DNAH17: variants seen among roughly 807,000 people sequenced by gnomAD.
The protein encoded by DNAH17 is axonemal beta dynein heavy chain 17.
A neutral mutation model predicts 485.6 loss-of-function variants in DNAH17; 376 were observed. The observed-to-expected ratio is 0.77, with a 90% CI of 0.71 to 0.84. The LOEUF (loss-of-function observed/expected upper bound fraction) is 0.84, where lower values mean the gene tolerates loss of function less well. Ranked by LOEUF, DNAH17 falls within the 40% of genes least tolerant of loss-of-function variation. The pLI, the probability that DNAH17 is intolerant of heterozygous loss-of-function variation, is 0.00. For missense variants in DNAH17, 6,370 were observed against 5,839.3 expected, an observed-to-expected ratio of 1.09 and a Z score of -2.96; for synonymous variants, 3,031 against 2,405.9, an observed-to-expected ratio of 1.26 and a Z score of -7.60.
At position 78,476,657 on chromosome 17, in the gene DNAH17, C is replaced by A. The variant is rs533561811; in HGVS notation, c.8069G>T (p.Arg2690Leu). The A allele has an allele frequency of 1.2e-6, 2 of 1,612,794 alleles. No homozygotes were observed. Among genetic ancestry groups the A allele is most frequent in the African/African-American group, 1.3e-5 (1 of 74,988 alleles). The change falls in exon 52 of 81, where the codon CGA (arginine) becomes CTA (leucine). Residue 2690 changes from arginine (R) to leucine (L), a missense_variant. Coordinates refer to ENST00000389840, the MANE Select transcript of DNAH17 (RefSeq NM_173628.4). Reference protein sequence around the residue: ...LVRLWLHETERVYGDKMVDEK... With the variant: ...LVRLWLHETELVYGDKMVDEK... ...GTCAACCATTTTGTCACCATACACT[C>A]GTTCAGTCTCATGTAGCCAAAGGCG...
At position 78,495,046 on chromosome 17, in the gene DNAH17, G is replaced by C. The variant is rs606944; in HGVS notation, c.5955C>G (p.Leu1985=). 0.84 allele frequency: 1,349,495 copies of C among 1,610,586 alleles called. 567,584 individuals are homozygous for C. Among genetic ancestry groups the C allele is most frequent in the East Asian group, 0.99 (44,221 of 44,820 alleles). Reference sequence around the variant, plus strand: ...GGGCTTCCAGAAAGCCCTCGGCCATGAGCATGATCTCACATATCAGTTCGA... The same window carrying C: ...GGGCTTCCAGAAAGCCCTCGGCCATCAGCATGATCTCACATATCAGTTCGA... ...PDFELICEIM[L]MAEGFLEARL... The change falls in exon 39 of 81, where the codon CTC becomes CTG. Residue 1985 remains leucine (L), a synonymous_variant. Transcript: ENST00000389840.
intron 79 of DNAH17, among the ~76,000 whole-genome samples, chr17:78,425,912 C>G (rs1328969199): frequency 6.6e-6 from 1 of 152,064 alleles, no homozygotes; most frequent in Non-Finnish European, 1.5e-5. Context: ...ATTACAGGTG[C>G]AGGCCACCAT....
Position 78,441,054 on chromosome 17 carries a change from G to C in DNAH17, c.11674C>G (p.Leu3892Val). 6.3e-7 allele frequency: 1 copy of C among 1,584,286 alleles called. No homozygotes were observed. The highest frequency in any genetic ancestry group is 1.7e-4 in the Middle Eastern group (1 of 6,024). The change falls in exon 72 of 81, where the codon CTG becomes GTG. Residue 3892 changes from leucine (L) to valine (V), a missense_variant. Physicochemically the swap from Leu to Val is conservative, Grantham distance 32. Transcript: ENST00000389840. ...ATCACTTGCCTGCTACACTTACCCA[G>C]GGCTTCCACGTCTTTCAAGGGGTCA... is the stretch of plus-strand genomic sequence containing the variant. Reference protein sequence around the residue: ...GVDPLKDVEALGKKLGFTIDN... With the variant: ...GVDPLKDVEAVGKKLGFTIDN...
chr17:78,550,486 G>C (rs965244458), intron 16 of DNAH17, among the ~76,000 whole-genome samples: 3 of 24,062 alleles, frequency 1.2e-4, no homozygotes, highest in Non-Finnish European at 2.5e-4. Flanking sequence ...GTTAATATGA[G>C]GTCATTAGTG....
intron 73 of DNAH17, 99 bp downstream of exon 73, chr17:78,438,991 C>G: frequency 6.8e-7 from 1 of 1,474,790 alleles, no homozygotes. Flanking sequence ...TTTCTGAATG[C>G]AAACTCCACA....
rs774431871 is a variant in DNAH17, at chr17:78,485,988, A to C, written c.7247T>G (p.Phe2416Cys). 6.2e-7 allele frequency: 1 copy of C among 1,613,404 alleles called. No individual in the cohort carries two copies. The highest frequency in any genetic ancestry group is 2.2e-5 in the East Asian group (1 of 44,876). ...CAGTGGGACATCGGGATCCAGCTCA[A>C]AGGAGGGCACTTTATCTGTCCAGGG... ...FLPWTDKVPS[F>C]ELDPDVPLQA... The change falls in exon 46 of 81, where the codon TTT (phenylalanine) becomes TGT (cysteine). Residue 2416 changes from phenylalanine (F) to cysteine (C), a missense_variant. Physicochemically the swap from Phe to Cys is radical, Grantham distance 205. Transcript: ENST00000389840.
At chr17:78,451,338 C>G in intron 66 of DNAH17, 131 bp downstream of exon 66, 1 of 785,268 alleles carries the variant, frequency 1.3e-6, no homozygotes, top group Non-Finnish European at 2.0e-6. Context: ...GTGGGACACA[C>G]TGAGGCACCT....
chr17:78,502,007 C>T (rs1434535243), intron 33 of DNAH17, 134 bp from the exon 34 acceptor site: 1 of 1,290,912 alleles, frequency 7.7e-7, no homozygotes, highest in Non-Finnish European at 1.1e-6. Context: ...CAAGAGCGCC[C>T]TCGGTAGGCC....
intron 56 of DNAH17, 151 bp downstream of exon 56, chr17:78,466,504 T>C: frequency 2.0e-6 from 1 of 499,972 alleles, no homozygotes; most frequent in Non-Finnish European, 3.1e-6. Context: ...ATGCCTGAGT[T>C]TCTGGCAGCC....
chr17:78,512,728 G>T (rs2090666444), intron 26 of DNAH17, among the ~76,000 whole-genome samples: 1 of 152,130 alleles, frequency 6.6e-6, no homozygotes, highest in Admixed American at 6.5e-5. Flanking sequence ...GATCACCTGA[G>T]GTCAGGAGTT....
chr17:78,510,972 G>A (rs672446), intron 26 of DNAH17, among the ~76,000 whole-genome samples: 58,863 of 152,026 alleles, frequency 0.39, 11,632 homozygotes, highest in East Asian at 0.54. Flanking sequence ...GGCATGATGC[G>A]GCCACAGGCC....
chr17:78,514,503 CAAAAAAA>C (rs79884057), intron 26 of DNAH17, among the ~76,000 whole-genome samples: 1 of 112,156 alleles, frequency 8.9e-6, no homozygotes, highest in Non-Finnish European at 1.7e-5. Context: ...GACTCCGTCT[CAAAAAAA>C]AAAAAAAAAA....
intron 48 of DNAH17, among the ~76,000 whole-genome samples, chr17:78,484,321 G>A (rs1172136380): frequency 1.3e-5 from 2 of 151,742 alleles, no homozygotes; most frequent in Non-Finnish European, 2.9e-5. Flanking sequence ...CTTCACGTGT[G>A]GCAGGGCATT....
At chr17:78,538,033 C>T (rs1279985573) in intron 18 of DNAH17, among the ~76,000 whole-genome samples, 2 of 149,894 alleles carry the variant, frequency 1.3e-5, no homozygotes, top group East Asian at 2.0e-4. Context: ...CCCAGCTACT[C>T]GGGAGGCTGA....
At chr17:78,440,123 C>G (rs1313281029) in intron 72 of DNAH17, among the ~76,000 whole-genome samples, 2 of 151,798 alleles carry the variant, frequency 1.3e-5, no homozygotes, top group Non-Finnish European at 2.9e-5. Flanking sequence ...TCTGTAGAGA[C>G]AAGCTCTCCC....
intron 69 of DNAH17, among the ~76,000 whole-genome samples, chr17:78,446,066 C>G (rs767716147): frequency 2.1e-5 from 3 of 143,280 alleles, no homozygotes; most frequent in Non-Finnish European, 4.5e-5. Context: ...CCTAGCTACT[C>G]GGGATGCTGA....
chr17:78,532,990 C>A lies in DNAH17; in HGVS notation c.2860-254G>T. The A allele has an allele frequency of 1.2e-5, 4 of 346,946 alleles. No homozygotes were observed. The Admixed American group carries it at 1.4e-4, about 12-fold the overall frequency. 21.5% of individuals were successfully genotyped at this position (346,946 alleles called of 1,614,324 possible). On this transcript the variant is annotated intron_variant, in intron 19 of 80. Coordinates refer to ENST00000389840, the MANE Select transcript of DNAH17 (RefSeq NM_173628.4). ...CACTACAGCCCAGAACTCCTGGGCT[C>A]AAGCGATCCTCCTGCCTCAGCCTCC...
chr17:78,463,659 T>C (rs145022063), intron 56 of DNAH17, among the ~76,000 whole-genome samples: 20 of 152,370 alleles, frequency 1.3e-4, no homozygotes, highest in African/African-American at 4.3e-4. Flanking sequence ...AGAATGTGTT[T>C]TCATATCCCA....
At chr17:78,565,455 G>C (rs1224905691) in intron 11 of DNAH17, among the ~76,000 whole-genome samples, 2 of 152,236 alleles carry the variant, frequency 1.3e-5, no homozygotes, top group Non-Finnish European at 2.9e-5. Context: ...CCTGACGTTT[G>C]TCGGGGAGAG....
Sources: allele counts gnomAD v4.1 joint callset (sites outside exome capture counted in the v4.1 genomes callset), GRCh38; gene constraint gnomAD v4.1.1; transcripts MANE v1.5; gene names NCBI Gene and HGNC (gene_info 2026-07-23, HGNC 2026-07-21).